Variants in GABRB2 observed in about 807,000 individuals in gnomAD.
GABRB2 encodes gamma-aminobutyric acid type A receptor subunit beta2.
GABRB2 carries 16 observed loss-of-function variants against 54.7 expected under a neutral mutation model. The ratio of observed to expected loss-of-function variants is 0.29; its 90% CI spans 0.20 to 0.44. The LOEUF (loss-of-function observed/expected upper bound fraction) is 0.44, where lower values mean the gene tolerates loss of function less well. Among genes scored for constraint, GABRB2 ranks in the 20% least tolerant of loss-of-function variants. The probability of loss-of-function intolerance (pLI) is 1.00; values close to 1 mark genes in which losing one functional copy is unlikely to be tolerated. For missense variants in GABRB2, 355 were observed against 644.0 expected (o/e 0.55, Z 4.86); for synonymous variants, 244 against 233.8 (o/e 1.04, Z -0.40).
At chr5:161,480,829 T>C (rs10061302) in intron 3 of GABRB2, among the ~76,000 whole-genome samples, 26,148 of 151,950 alleles carry the variant, frequency 0.17, 3,167 homozygotes, top group African/African-American at 0.34. Flanking sequence ...CTTTTATCCA[T>C]TAAGAAATGC....
intron 3 of GABRB2, among the ~76,000 whole-genome samples, chr5:161,542,974 T>A (rs182011871): frequency 1.3e-5 from 2 of 152,324 alleles, no homozygotes; most frequent in African/African-American, 2.4e-5. Context: ...CACAAAAAAA[T>A]TTCTTTGAAG....
intron 3 of GABRB2, among the ~76,000 whole-genome samples, chr5:161,536,014 C>T (rs1760623901): frequency 6.6e-6 from 1 of 152,122 alleles, no homozygotes; most frequent in African/African-American, 2.4e-5. Flanking sequence ...TCCATGTCTG[C>T]TTCTGCCTTT....
intron 5 of GABRB2, among the ~76,000 whole-genome samples, chr5:161,378,158 C>A (rs1009507222): frequency 1.1e-4 from 17 of 152,040 alleles, no homozygotes; most frequent in African/African-American, 4.1e-4. Context: ...AGCTTTGTGT[C>A]TTAACACAAT....
At chr5:161,329,007 G>C (rs1241358992) in intron 8 of GABRB2, among the ~76,000 whole-genome samples, 1 of 152,118 alleles carries the variant, frequency 6.6e-6, no homozygotes, top group Non-Finnish European at 1.5e-5. Flanking sequence ...CCACTATGGG[G>C]TAACTGCCTA....
chr5:161,300,483 C>T (rs1435177541), intron 9 of GABRB2, among the ~76,000 whole-genome samples: 4 of 152,154 alleles, frequency 2.6e-5, no homozygotes, highest in Non-Finnish European at 5.9e-5. Context: ...ACAAATAAGT[C>T]ATAGAACATT....
chr5:161,470,372 A>G (rs1758403217), intron 3 of GABRB2, among the ~76,000 whole-genome samples: 1 of 151,962 alleles, frequency 6.6e-6, no homozygotes, highest in African/African-American at 2.4e-5. Flanking sequence ...TATGTATACT[A>G]TGATTTTTCC....
intron 3 of GABRB2, among the ~76,000 whole-genome samples, chr5:161,472,286 AC>A (rs1404938904): frequency 6.6e-6 from 1 of 151,718 alleles, no homozygotes; most frequent in Non-Finnish European, 1.5e-5. Context: ...GGATTCTCTG[AC>A]CATTAGCCCG....
intron 3 of GABRB2, among the ~76,000 whole-genome samples, chr5:161,500,247 T>C (rs115011604): frequency 1.4e-4 from 22 of 152,318 alleles, no homozygotes; most frequent in African/African-American, 5.1e-4. Flanking sequence ...CCTCCATCTT[T>C]CTGAGACTCA....
intron 3 of GABRB2, among the ~76,000 whole-genome samples, chr5:161,483,066 A>G (rs991870635): frequency 6.6e-6 from 1 of 152,040 alleles, no homozygotes; most frequent in African/African-American, 2.4e-5. Flanking sequence ...ATGGCTACCA[A>G]TAAGTCCTAC....
At chr5:161,357,922 A>T (rs1754686924) in intron 5 of GABRB2, among the ~76,000 whole-genome samples, 1 of 152,032 alleles carries the variant, frequency 6.6e-6, no homozygotes, top group Admixed American at 6.6e-5. Context: ...TGGACATACA[A>T]ATTTTAATAC....
chr5:161,453,180 G>A (rs993369855), intron 4 of GABRB2, among the ~76,000 whole-genome samples: 3 of 152,100 alleles, frequency 2.0e-5, no homozygotes, highest in Admixed American at 6.6e-5. Flanking sequence ...CACATCTACA[G>A]CTAAGCTACT....
At chr5:161,303,450 G>C (rs1757595533) in intron 9 of GABRB2, among the ~76,000 whole-genome samples, 1 of 151,984 alleles carries the variant, frequency 6.6e-6, no homozygotes, top group Non-Finnish European at 1.5e-5. Flanking sequence ...TTATGGATCG[G>C]GGACCTATGT....
chr5:161,471,299 C>A (rs1758431473), intron 3 of GABRB2, among the ~76,000 whole-genome samples: 1 of 151,982 alleles, frequency 6.6e-6, no homozygotes, highest in Admixed American at 6.6e-5. Context: ...CACATCTGAG[C>A]CAACAAATTG....
At chr5:161,354,804 A>T (rs1316618856) in intron 5 of GABRB2, among the ~76,000 whole-genome samples, 1 of 152,072 alleles carries the variant, frequency 6.6e-6, no homozygotes, top group Admixed American at 6.6e-5. Context: ...ATTAAGACTA[A>T]TGCAAAAAAA....
chr5:161,540,600 A>G (rs2113475945), intron 3 of GABRB2, among the ~76,000 whole-genome samples: 1 of 152,300 alleles, frequency 6.6e-6, no homozygotes, highest in South Asian at 2.1e-4. Flanking sequence ...GCCCAGATTC[A>G]TCAGAGGAAT....
intron 4 of GABRB2, among the ~76,000 whole-genome samples, chr5:161,429,144 C>CGAAACCAGTCTGGCCAACATGGT (rs1363645714): frequency 6.6e-6 from 1 of 150,862 alleles, no homozygotes; most frequent in Non-Finnish European, 1.5e-5. Context: ...GTCAAGAGTT[C>CGAAACCAGTCTGGCCAACATGGT]GAAACCAGTC....
intron 3 of GABRB2, among the ~76,000 whole-genome samples, chr5:161,529,478 T>C (rs2113450712): frequency 6.6e-6 from 1 of 152,142 alleles, no homozygotes; most frequent in South Asian, 2.1e-4. Context: ...CAGCACTTTC[T>C]AGCTGTAGCA....
In GABRB2 at chr5:161,296,235, T is replaced by C. The variant is rs187212246; in HGVS notation, c.1192-1807A>G. Among the ~76,000 whole-genome samples, 344 of 152,340 alleles carry C rather than the reference T, an allele frequency of 2.3e-3. 1 individual carries two copies. Among genetic ancestry groups the C allele is most frequent in the South Asian group, 6.4e-3 (31 of 4,826 alleles). On this transcript the variant is annotated intron_variant, in intron 9 of 9. Transcript: ENST00000393959. ...GTAAACCTGATGGAAATGGGACACC[T>C]ATCCTTTACTGTTATTTCAACAGCA...
chr5:161,442,801 G>A (rs777711324), intron 4 of GABRB2, among the ~76,000 whole-genome samples: 1 of 151,686 alleles, frequency 6.6e-6, no homozygotes. Flanking sequence ...TTCTAGCCCT[G>A]TGACATGTTC....
Sources: allele counts gnomAD v4.1 joint callset (sites outside exome capture counted in the v4.1 genomes callset), GRCh38; gene constraint gnomAD v4.1.1; transcripts MANE v1.5; gene names NCBI Gene and HGNC (gene_info 2026-07-23, HGNC 2026-07-21).